Variants in AOPEP observed in about 807,000 individuals in gnomAD.
AOPEP encodes the protein aminopeptidase O (putative), also known as aminopeptidase O.
In AOPEP, 77 loss-of-function variants were observed where a neutral mutation model predicts 98.1. That is an observed-to-expected ratio of 0.78 (90% CI 0.65 to 0.95). The LOEUF is 0.95. AOPEP is among the 40% of genes least tolerant of loss of function. The pLI is 0.00. For missense variants in AOPEP, 1,024 were observed against 1,024.7 expected (o/e 1.00, Z 0.01); for synonymous variants, 346 against 365.3 (o/e 0.95, Z 0.60).
intron 11 of AOPEP, among the ~76,000 whole-genome samples, chr9:94,989,037 A>G (rs931769828): frequency 6.6e-6 from 1 of 150,424 alleles, no homozygotes; most frequent in Admixed American, 6.6e-5. Context: ...GCGGGGGCAA[A>G]CTCTCAGGTA....
At chr9:94,905,320 T>C (rs2050976813) in intron 5 of AOPEP, among the ~76,000 whole-genome samples, 1 of 152,228 alleles carries the variant, frequency 6.6e-6, no homozygotes, top group African/African-American at 2.4e-5. Context: ...AATTAAAATA[T>C]TGGCTTCTTT....
At chr9:94,842,888 A>T (rs12685042) in intron 5 of AOPEP, among the ~76,000 whole-genome samples, 10,763 of 152,218 alleles carry the variant, frequency 0.071, 1,107 homozygotes, top group African/African-American at 0.23. Context: ...TTCTTCCCTT[A>T]TAAGTAGTAG....
At chr9:95,102,312 T>C in the AOPEP span, among the ~76,000 whole-genome samples, 1 of 152,218 alleles carries the variant, frequency 6.6e-6, no homozygotes, top group African/African-American at 2.4e-5. Flanking sequence ...ATCCCTGGGC[T>C]AGCAACCGGA....
chr9:94,983,383 T>C (rs966126171), intron 11 of AOPEP, among the ~76,000 whole-genome samples: 1 of 152,190 alleles, frequency 6.6e-6, no homozygotes, highest in African/African-American at 2.4e-5. Flanking sequence ...CTGAGGCCCT[T>C]CTGTACACAC....
intron 1 of AOPEP, among the ~76,000 whole-genome samples, chr9:94,732,731 A>G (rs1056975026): frequency 1.3e-5 from 2 of 152,228 alleles, no homozygotes; most frequent in African/African-American, 4.8e-5. Context: ...TCTCCAGACC[A>G]TGAAAATGGA....
chr9:94,861,261 CA>C (rs2135424327), intron 5 of AOPEP, among the ~76,000 whole-genome samples: 1 of 152,278 alleles, frequency 6.6e-6, no homozygotes. Flanking sequence ...TGTCACCAAA[CA>C]AGCATGAAAT....
intron 4 of AOPEP, among the ~76,000 whole-genome samples, chr9:94,793,353 A>AAAAAC (rs55646763): frequency 4.6e-4 from 69 of 150,814 alleles, no homozygotes; most frequent in African/African-American, 1.0e-3. Context: ...TCTCAAAACA[A>AAAAAC]AAAACAAAAC....
rs1050025982 is a variant in AOPEP at position 94,741,934 on chromosome 9, C to T, written c.-136+15183C>T. ...TTAAATGCTAGGCCTGGAAGGGACA[C>T]GCATACTTCCATTTACAACTCAGCA... On this transcript the variant is annotated intron_variant, in intron 1 of 16. Coordinates refer to ENST00000375315, the MANE Select transcript of AOPEP (RefSeq NM_001193329.3). Among the ~76,000 whole-genome samples the T allele has an allele frequency of 7.2e-5, 11 of 152,156 alleles. No homozygotes were observed. In the East Asian group the frequency reaches 7.7e-4, roughly 11 times the overall value.
At chr9:94,805,298 G>A (rs962258153) in intron 5 of AOPEP, among the ~76,000 whole-genome samples, 2 of 152,070 alleles carry the variant, frequency 1.3e-5, no homozygotes, top group African/African-American at 4.8e-5. Context: ...AGAACACCTG[G>A]CACCCAGACG....
At chr9:95,111,661 G>A in the AOPEP span, 3 of 1,613,952 alleles carry the variant, frequency 1.9e-6, no homozygotes, top group Non-Finnish European at 2.5e-6. Flanking sequence ...AGAACACATG[G>A]CAGTTGACAA....
intron 14 of AOPEP, among the ~76,000 whole-genome samples, chr9:95,065,186 T>A (rs1270113183): frequency 6.6e-6 from 1 of 152,250 alleles, no homozygotes; most frequent in East Asian, 1.9e-4. Context: ...TTCAGGATGC[T>A]CGATGCTTTA....
intron 14 of AOPEP, among the ~76,000 whole-genome samples, chr9:95,066,441 G>A (rs566887416): frequency 1.3e-5 from 2 of 152,306 alleles, no homozygotes; most frequent in South Asian, 4.1e-4. Context: ...GCAAATGAAA[G>A]TAAAGAAGAA....
Position 95,060,751 on chromosome 9 carries a change from A to C in AOPEP, c.2173A>C (p.Ser725Arg), listed in dbSNP as rs118115230. 1.5e-4 allele frequency: 238 copies of C among 1,614,122 alleles called. 1 individual carries two copies. The highest frequency in any genetic ancestry group is 2.0e-4 in the Non-Finnish European group (234 of 1,179,992). Reference protein sequence around the residue: ...LEHLLEQKTLSPRTLQSLQRT... With the variant: ...LEHLLEQKTLRPRTLQSLQRT... ...GCATCTCTTGGAGCAGAAGACTCTG[A>C]GCCCCCGAACTCTGCAAAGCCTCCA... The change falls in exon 14 of 17, where the codon AGC becomes CGC. Residue 725 changes from serine to arginine, a missense_variant. By Grantham distance (110) the Ser-to-Arg change is moderately radical. Coordinates refer to ENST00000375315, the MANE Select transcript of AOPEP (RefSeq NM_001193329.3).
In AOPEP at chr9:94,906,855, T is replaced by G. The variant is rs993679951; in HGVS notation, c.1365-17131T>G. On this transcript the variant is annotated intron_variant, in intron 5 of 16. Coordinates refer to ENST00000375315, the MANE Select transcript of AOPEP (RefSeq NM_001193329.3). ...GAATGGTGCAGCAGCACTGTCCACC[T>G]TCTATGTCCTGTTTGCCCAACCCAG... Among the ~76,000 whole-genome samples the G allele has an allele frequency of 1.1e-4, 17 of 152,188 alleles. 1 individual carries two copies. The highest frequency in any genetic ancestry group is 9.8e-4 in the Admixed American group (15 of 15,290).
intron 5 of AOPEP, among the ~76,000 whole-genome samples, chr9:94,905,363 A>G (rs1225182419): frequency 6.6e-6 from 1 of 152,218 alleles, no homozygotes; most frequent in Non-Finnish European, 1.5e-5. Flanking sequence ...AAGGAGGATT[A>G]TTTTAAAACA....
At chr9:95,010,314 T>A (rs1426758936) in intron 13 of AOPEP, among the ~76,000 whole-genome samples, 1 of 152,212 alleles carries the variant, frequency 6.6e-6, no homozygotes, top group Non-Finnish European at 1.5e-5. Flanking sequence ...ATATTAAGAC[T>A]AATAAAAATT....
intron 5 of AOPEP, among the ~76,000 whole-genome samples, chr9:94,808,569 C>T (rs1157115340): frequency 2.6e-5 from 4 of 152,178 alleles, no homozygotes; most frequent in Non-Finnish European, 4.4e-5. Flanking sequence ...GGTGACTCCT[C>T]GGAAAGTCTA....
intron 5 of AOPEP, among the ~76,000 whole-genome samples, chr9:94,895,590 TC>T (rs2049438529): frequency 6.6e-6 from 1 of 152,058 alleles, no homozygotes; most frequent in Non-Finnish European, 1.5e-5. Context: ...CCTGCTTTTT[TC>T]TTTTTTCTTT....
chr9:95,076,491 T>C (rs1006520292), intron 14 of AOPEP, among the ~76,000 whole-genome samples: 1 of 152,236 alleles, frequency 6.6e-6, no homozygotes. Context: ...TATCATAGAC[T>C]ACCCTGCAAC....
Sources: allele counts gnomAD v4.1 joint callset (sites outside exome capture counted in the v4.1 genomes callset), GRCh38; gene constraint gnomAD v4.1.1; transcripts MANE v1.5; gene names NCBI Gene and HGNC (gene_info 2026-07-23, HGNC 2026-07-21).